The following MARCHF1 variants were observed in gnomAD, a reference collection of about 807,000 sequenced individuals.
The protein encoded by MARCHF1 is membrane associated ring-CH-type finger 1.
Under a neutral mutation model 54.2 loss-of-function variants are expected in MARCHF1, and 40 were observed. The observed-to-expected ratio is 0.74, with a 90% CI of 0.57 to 0.96. MARCHF1 has a LOEUF of 0.96. Among genes scored for constraint, MARCHF1 ranks in the 40% least tolerant of loss-of-function variants. The probability of loss-of-function intolerance (pLI) is 0.00; values close to 1 mark genes in which losing one functional copy is unlikely to be tolerated. For missense variants in MARCHF1, 586 were observed against 656.5 expected (o/e 0.89, Z 1.17); for synonymous variants, 236 against 236.3 (o/e 1.00, Z 0.01).
chr4:164,191,573 G>C (rs1731125149), intron 1 of MARCHF1, among the ~76,000 whole-genome samples: 1 of 152,088 alleles, frequency 6.6e-6, no homozygotes, highest in Admixed American at 6.6e-5. Flanking sequence ...TGGCTCTAAA[G>C]TTGTGTGTCT....
intron 2 of MARCHF1, among the ~76,000 whole-genome samples, chr4:164,096,729 G>T (rs547142387): frequency 1.3e-5 from 2 of 152,126 alleles, no homozygotes; most frequent in African/African-American, 4.8e-5. Flanking sequence ...CATTATACAA[G>T]ATTAATTCAC....
At chr4:163,963,967 C>T (rs1752390914) in intron 3 of MARCHF1, among the ~76,000 whole-genome samples, 1 of 151,840 alleles carries the variant, frequency 6.6e-6, no homozygotes, top group African/African-American at 2.4e-5. Context: ...CCCAGTAAAC[C>T]CCCAGAACCA....
chr4:163,723,807 T>C (rs1745559698), intron 4 of MARCHF1, among the ~76,000 whole-genome samples: 1 of 152,252 alleles, frequency 6.6e-6, no homozygotes, highest in Non-Finnish European at 1.5e-5. Flanking sequence ...TTCTTCCAGT[T>C]GAACGAATCG....
intron 1 of MARCHF1, among the ~76,000 whole-genome samples, chr4:164,276,374 G>A (rs1733879915): frequency 6.6e-6 from 1 of 151,966 alleles, no homozygotes; most frequent in South Asian, 2.1e-4. Context: ...CCACAAAATT[G>A]TGCTTTTCCT....
intron 1 of MARCHF1, among the ~76,000 whole-genome samples, chr4:164,248,321 A>G (rs1733020498): frequency 6.6e-6 from 1 of 152,086 alleles, no homozygotes; most frequent in Non-Finnish European, 1.5e-5. Context: ...AAATCAAAAT[A>G]TATGCACCAA....
At chr4:164,001,175 C>T (rs527460740) in intron 2 of MARCHF1, among the ~76,000 whole-genome samples, 7 of 151,722 alleles carry the variant, frequency 4.6e-5, no homozygotes, top group South Asian at 4.2e-4. Context: ...TAAATTAATT[C>T]GAAAACCATT....
intron 2 of MARCHF1, among the ~76,000 whole-genome samples, chr4:164,064,874 T>C (rs1397320069): frequency 6.6e-6 from 1 of 152,238 alleles, no homozygotes; most frequent in Non-Finnish European, 1.5e-5. Context: ...TTGGATTTTA[T>C]TGAAGGCCTT....
intron 4 of MARCHF1, among the ~76,000 whole-genome samples, chr4:163,808,003 G>T (rs1240934602): frequency 6.6e-6 from 1 of 152,044 alleles, no homozygotes; most frequent in East Asian, 1.9e-4. Context: ...TACAAATCAG[G>T]CTCTGCCTTT....
At position 164,362,981 on chromosome 4, in the gene MARCHF1, G is replaced by A. The variant is rs79292877; in HGVS notation, c.-323+20889C>T. Among the ~76,000 whole-genome samples the A allele has an allele frequency of 4.8e-3, 727 of 152,188 alleles. 6 individuals carry two copies. The highest frequency in any genetic ancestry group is 0.016 in the African/African-American group (662 of 41,544). ...TACTAATTAGAATACATAAGCTCTT[G>A]TTGCATACATAATTGCTGTAGTCTG... On this transcript the variant is annotated intron_variant, in intron 1 of 9. Transcript: ENST00000514618.
chr4:163,926,172 AG>A (rs1751533697), intron 3 of MARCHF1, among the ~76,000 whole-genome samples: 1 of 151,736 alleles, frequency 6.6e-6, no homozygotes, highest in South Asian at 2.1e-4. Context: ...TGTCCCACAA[AG>A]GCAGCCATTA....
At chr4:163,845,510 G>T (rs550804532) in intron 4 of MARCHF1, among the ~76,000 whole-genome samples, 54 of 146,054 alleles carry the variant, frequency 3.7e-4, no homozygotes, top group African/African-American at 1.1e-3. Context: ...CACACGTAAG[G>T]CCTCTCCTAT....
chr4:163,678,970 G>A (rs896178212), intron 5 of MARCHF1, among the ~76,000 whole-genome samples: 1 of 152,158 alleles, frequency 6.6e-6, no homozygotes, highest in Admixed American at 6.5e-5. Context: ...TCCCAAAAAT[G>A]AATGCATGAA....
chr4:164,321,888 T>A (rs945812277), intron 1 of MARCHF1, among the ~76,000 whole-genome samples: 3 of 152,088 alleles, frequency 2.0e-5, no homozygotes, highest in Admixed American at 2.0e-4. Flanking sequence ...ATACCTACTG[T>A]GGATTCTATG....
chr4:164,197,704 A>C, intron 1 of MARCHF1: 7 of 1,612,088 alleles, frequency 4.3e-6, no homozygotes, highest in Non-Finnish European at 5.1e-6. Context: ...CCGTCTGCCC[A>C]TCTCCATCTC....
chr4:164,022,847 G>A (rs1753693241), intron 2 of MARCHF1, among the ~76,000 whole-genome samples: 1 of 152,316 alleles, frequency 6.6e-6, no homozygotes, highest in African/African-American at 2.4e-5. Context: ...CACTCCTAGG[G>A]CCCCTGCCTG....
At chr4:163,625,593 C>T (rs550906489) in intron 5 of MARCHF1, among the ~76,000 whole-genome samples, 13 of 152,036 alleles carry the variant, frequency 8.6e-5, no homozygotes, top group African/African-American at 1.7e-4. Flanking sequence ...CGCATCACAG[C>T]GAACAAAAAA....
intron 1 of MARCHF1, among the ~76,000 whole-genome samples, chr4:164,156,435 A>C (rs1730079504): frequency 6.6e-6 from 1 of 151,842 alleles, no homozygotes; most frequent in South Asian, 2.1e-4. Context: ...TTTAATTTTT[A>C]TTTTTGGAGA....
chr4:163,853,391 TC>T (rs1180163736), intron 4 of MARCHF1, among the ~76,000 whole-genome samples: 1 of 152,182 alleles, frequency 6.6e-6, no homozygotes, highest in East Asian at 1.9e-4. Context: ...TACAGCCAAA[TC>T]GAAACAAAGA....
chr4:163,674,116 C>T (rs1743824633), intron 5 of MARCHF1, among the ~76,000 whole-genome samples: 1 of 152,118 alleles, frequency 6.6e-6, no homozygotes, highest in Non-Finnish European at 1.5e-5. Context: ...CTTACTTTCC[C>T]TTTCAGCATC....
Sources: gnomAD v4.1 joint callset for allele counts (sites outside exome capture counted in the v4.1 genomes callset) on GRCh38, gnomAD v4.1.1 for gene constraint, MANE v1.5 for transcripts, NCBI Gene and HGNC (gene_info 2026-07-23, HGNC 2026-07-21) for gene names.